Variants in DCDC1 observed in about 807,000 individuals in gnomAD.
DCDC1 encodes doublecortin domain-containing protein 1.
Under a neutral mutation model 178.3 loss-of-function variants are expected in DCDC1, and 200 were observed. The observed-to-expected ratio is 1.12, with a 90% CI of 1.00 to 1.26. DCDC1 has a LOEUF of 1.26. Among genes scored for constraint, DCDC1 ranks in the 50% most tolerant of loss-of-function variants. The pLI is 0.00. For missense variants in DCDC1, 1,983 were observed against 1,749.2 expected (o/e 1.13, Z -2.38); for synonymous variants, 690 against 604.8 (o/e 1.14, Z -2.07).
In DCDC1 at chr11:30,899,526, A is replaced by G. The variant is rs1011354990; in HGVS notation, c.4765+15T>C. 6 of 1,473,340 alleles carry G rather than the reference A, an allele frequency of 4.1e-6. No homozygotes were observed. The Admixed American group carries it at 7.5e-5, about 18-fold the overall frequency. The allele number at this position is 1,473,340 out of a possible 1,614,324, so 91.3% of individuals were successfully genotyped here. A position where few individuals can be genotyped will look rare whatever the true frequency, so the allele number is the denominator to read the frequency against. ...TGAATTAAATATGGTTATGCTTGAT[A>G]TAGTTCATACTGACCTTTTAACTGT... On this transcript the variant is annotated intron_variant, in intron 34 of 38. Transcript: ENST00000684477.
chr11:31,316,006 T>C (rs1306975688), intron 3 of DCDC1, among the ~76,000 whole-genome samples: 3 of 100,786 alleles, frequency 3.0e-5, no homozygotes, highest in Admixed American at 1.1e-4. Context: ...TATGGCTGCA[T>C]AGTATTCCAC....
At chr11:31,179,728 T>A (rs771043649) in intron 9 of DCDC1, among the ~76,000 whole-genome samples, 3 of 152,118 alleles carry the variant, frequency 2.0e-5, no homozygotes, top group Non-Finnish European at 2.9e-5. Context: ...TAATACCAAT[T>A]CTCAAACTCT....
At chr11:31,213,577 A>G in intron 9 of DCDC1, among the ~76,000 whole-genome samples, 1 of 151,802 alleles carries the variant, frequency 6.6e-6, no homozygotes, top group Non-Finnish European at 1.5e-5. Context: ...AAAATTAGCC[A>G]GGCGTGGTGG....
intron 22 of DCDC1, 141 bp downstream of exon 22, chr11:30,931,630 A>C: frequency 1.2e-6 from 1 of 836,782 alleles, no homozygotes; most frequent in Non-Finnish European, 1.8e-6. Flanking sequence ...CCTAGTCTCT[A>C]TTTTCATCTT....
chr11:30,878,791 AC>A, intron 37 of DCDC1, 80 bp from the exon 38 acceptor site: 1 of 1,356,056 alleles, frequency 7.4e-7, no homozygotes, highest in Non-Finnish European at 9.8e-7. Flanking sequence ...ATGATGAAAA[AC>A]TTGAAGACCC....
intron 20 of DCDC1, among the ~76,000 whole-genome samples, chr11:30,978,776 C>T (rs1454062845): frequency 8.3e-6 from 1 of 120,548 alleles, no homozygotes; most frequent in African/African-American, 4.1e-5. Flanking sequence ...CCAGTCCCCC[C>T]TCAACACACA....
At chr11:31,129,741 C>G (rs1565322870) in intron 10 of DCDC1, among the ~76,000 whole-genome samples, 3 of 152,024 alleles carry the variant, frequency 2.0e-5, no homozygotes, top group Non-Finnish European at 4.4e-5. Flanking sequence ...TAAGCGGTCT[C>G]CCTGTTCCCA....
At chr11:31,223,979 G>T (rs888322649) in intron 9 of DCDC1, among the ~76,000 whole-genome samples, 1 of 151,896 alleles carries the variant, frequency 6.6e-6, no homozygotes, top group Non-Finnish European at 1.5e-5. Context: ...AATCATGGGG[G>T]CCGGTCTTTC....
intron 17 of DCDC1, among the ~76,000 whole-genome samples, chr11:31,078,465 A>T (rs1478867526): frequency 6.6e-6 from 1 of 152,214 alleles, no homozygotes; most frequent in African/African-American, 2.4e-5. Context: ...GTATTCATTA[A>T]TATTTAGAAA....
chr11:30,901,086 CA>C (rs567610448), intron 32 of DCDC1, among the ~76,000 whole-genome samples: 42 of 151,984 alleles, frequency 2.8e-4, no homozygotes, highest in African/African-American at 1.0e-3. Context: ...ATGGCGAAAG[CA>C]AAGAGAAAAA....
chr11:31,164,711 A>C (rs1208358142), intron 9 of DCDC1, among the ~76,000 whole-genome samples: 1 of 152,212 alleles, frequency 6.6e-6, no homozygotes, highest in Admixed American at 6.5e-5. Context: ...TAAAGTAAAA[A>C]TGTTACAGAA....
chr11:31,200,645 T>G (rs1971187038), intron 9 of DCDC1, among the ~76,000 whole-genome samples: 1 of 151,954 alleles, frequency 6.6e-6, no homozygotes, highest in African/African-American at 2.4e-5. Flanking sequence ...AAAAATAATA[T>G]TATTTTTTAA....
At chr11:31,184,551 C>A (rs1969242158) in intron 9 of DCDC1, among the ~76,000 whole-genome samples, 1 of 151,216 alleles carries the variant, frequency 6.6e-6, no homozygotes, top group African/African-American at 2.4e-5. Flanking sequence ...TGACAAAGGG[C>A]TAATATCCAG....
At chr11:31,223,420 C>T (rs1242343088) in intron 9 of DCDC1, among the ~76,000 whole-genome samples, 1 of 152,032 alleles carries the variant, frequency 6.6e-6, no homozygotes, top group Non-Finnish European at 1.5e-5. Context: ...ATACAATAGC[C>T]ATATAATGTA....
rs1157498233 is a variant in DCDC1, at chr11:30,878,609, A to G, written c.5336T>C (p.Leu1779Pro). 1 of 1,608,062 alleles carries G rather than the reference A, an allele frequency of 6.2e-7. No homozygotes were observed. The highest frequency in any genetic ancestry group is 1.1e-5 in the South Asian group (1 of 89,840). The change falls in exon 38 of 39, where the codon CTG becomes CCG. Residue 1779 changes from leucine (L) to proline (P), a missense_variant. Physicochemically the swap from Leu to Pro is moderately conservative, Grantham distance 98 (BLOSUM62 -3). Transcript: ENST00000684477. ...DIVVSPSTKLLSLAHLHN is the reference protein window; with the variant it reads ...DIVVSPSTKLPSLAHLHN ...TTAATTGTGGAGATGTGCCAGAGACAGCAGCTTCGTGGATGGTGACACCAC... is the reference window on the plus strand; with the variant it reads ...TTAATTGTGGAGATGTGCCAGAGACGGCAGCTTCGTGGATGGTGACACCAC...
chr11:31,165,484 T>C (rs1457825321), intron 9 of DCDC1, among the ~76,000 whole-genome samples: 1 of 152,102 alleles, frequency 6.6e-6, no homozygotes, highest in Non-Finnish European at 1.5e-5. Flanking sequence ...GCTAATTTTT[T>C]TATTTTTGTA....
chr11:31,154,671 G>A (rs1329715644), intron 9 of DCDC1, among the ~76,000 whole-genome samples: 5 of 152,186 alleles, frequency 3.3e-5, no homozygotes, highest in Non-Finnish European at 7.3e-5. Context: ...AGAAATTCTG[G>A]AAAGCCCTGA....
chr11:31,225,637 G>A (rs1194451647), intron 9 of DCDC1, among the ~76,000 whole-genome samples: 1 of 149,424 alleles, frequency 6.7e-6, no homozygotes, highest in East Asian at 1.9e-4. Context: ...TATAAAATAT[G>A]ACTGGAGATT....
chr11:31,193,531 C>G (rs1171838215), intron 9 of DCDC1, among the ~76,000 whole-genome samples: 3 of 152,068 alleles, frequency 2.0e-5, no homozygotes, highest in Non-Finnish European at 4.4e-5. Context: ...GGTCCCACTT[C>G]TGTTTCTTTG....
Sources: gnomAD v4.1 joint callset for allele counts (sites outside exome capture counted in the v4.1 genomes callset) on GRCh38, gnomAD v4.1.1 for gene constraint, MANE v1.5 for transcripts, NCBI Gene and HGNC (gene_info 2026-07-23, HGNC 2026-07-21) for gene names.